The following ROBO2 variants were observed in gnomAD, a reference collection of about 807,000 sequenced individuals.
ROBO2 encodes roundabout homolog 2.
Under a neutral mutation model 160.8 loss-of-function variants are expected in ROBO2, and 53 were observed. The observed-to-expected ratio is 0.33, with a 90% CI of 0.26 to 0.41. The LOEUF (loss-of-function observed/expected upper bound fraction) is 0.41. ROBO2 is among the 10% of genes least tolerant of loss of function. The pLI is 1.00. For missense variants in ROBO2, 1,577 were observed against 1,722.4 expected (o/e 0.92, Z 1.49); for synonymous variants, 664 against 611.7 (o/e 1.09, Z -1.26).
chr3:76,248,094 G>A (rs1011581553), intron 2 of ROBO2, among the ~76,000 whole-genome samples: 3 of 151,832 alleles, frequency 2.0e-5, no homozygotes, highest in African/African-American at 7.3e-5. Context: ...GATTCCTCAG[G>A]GATCTAGAAC....
chr3:76,823,175 C>A (rs1576854173), intron 2 of ROBO2, among the ~76,000 whole-genome samples: 1 of 152,050 alleles, frequency 6.6e-6, no homozygotes, highest in East Asian at 1.9e-4. Context: ...AGGTTGATTT[C>A]TTTTGACATC....
chr3:76,234,427 T>C (rs1269003304), intron 2 of ROBO2, among the ~76,000 whole-genome samples: 2 of 152,166 alleles, frequency 1.3e-5, no homozygotes, highest in Non-Finnish European at 2.9e-5. Context: ...GCAATAGTAA[T>C]TGCAGTTTTT....
In ROBO2 at chr3:77,593,182, A is replaced by G. The variant is rs184274643; in HGVS notation, c.2684-1960A>G. On this transcript the variant is annotated intron_variant, in intron 17 of 25. Coordinates refer to ENST00000461745, the Ensembl canonical transcript of ROBO2. The stretch of plus-strand genomic sequence containing the variant: ...CACACCATTATCTTAACTCTCTTTT[A>G]ACAGACTAAAACAATCACTTGATAG... Among the ~76,000 whole-genome samples the G allele has an allele frequency of 1.2e-3, 176 of 150,682 alleles. 1 individual carries two copies. Among genetic ancestry groups the G allele is most frequent in the Admixed American group, 3.7e-3 (56 of 14,996 alleles).
At chr3:77,242,762 T>C (rs754358287) in intron 2 of ROBO2, among the ~76,000 whole-genome samples, 4 of 151,710 alleles carry the variant, frequency 2.6e-5, no homozygotes, top group Non-Finnish European at 4.4e-5. Flanking sequence ...TGTTTTTATG[T>C]GTTTGCTACT....
intron 2 of ROBO2, among the ~76,000 whole-genome samples, chr3:77,132,581 C>T (rs986890570): frequency 6.6e-6 from 1 of 151,998 alleles, no homozygotes; most frequent in African/African-American, 2.4e-5. Context: ...GTCTCTATAA[C>T]ATTAGATGAA....
intron 2 of ROBO2, among the ~76,000 whole-genome samples, chr3:77,460,530 A>AT (rs1281207408): frequency 2.0e-5 from 3 of 152,122 alleles, no homozygotes; most frequent in African/African-American, 4.8e-5. Flanking sequence ...AGTACTGACG[A>AT]TTTTTTAAGG....
chr3:75,909,926 A>G (rs1946496392), intron 1 of ROBO2, among the ~76,000 whole-genome samples: 1 of 152,236 alleles, frequency 6.6e-6, no homozygotes. Context: ...GGCTTTGCAT[A>G]TACATTAAAG....
chr3:76,767,555 T>A (rs2108459620), intron 2 of ROBO2, among the ~76,000 whole-genome samples: 1 of 151,644 alleles, frequency 6.6e-6, no homozygotes, highest in South Asian at 2.1e-4. Flanking sequence ...AAAGAATAAA[T>A]ATATTCTGTA....
chr3:76,685,300 A>G (rs2092662840), intron 2 of ROBO2, among the ~76,000 whole-genome samples: 2 of 151,908 alleles, frequency 1.3e-5, no homozygotes, highest in South Asian at 4.1e-4. Context: ...CTCAAGAAAA[A>G]GAAAATGCTA....
intron 2 of ROBO2, among the ~76,000 whole-genome samples, chr3:77,231,395 C>G (rs1490336443): frequency 1.4e-5 from 2 of 143,556 alleles, no homozygotes; most frequent in Non-Finnish European, 3.0e-5. Flanking sequence ...AGACACTAAG[C>G]TAAAAGACAC....
At chr3:76,273,243 C>G (rs1036263019) in intron 2 of ROBO2, among the ~76,000 whole-genome samples, 3 of 147,742 alleles carry the variant, frequency 2.0e-5, no homozygotes, top group Admixed American at 7.0e-5. Context: ...GAGACTCATT[C>G]AATACAGTCT....
At chr3:76,830,698 T>C (rs540741336) in intron 2 of ROBO2, among the ~76,000 whole-genome samples, 46 of 142,920 alleles carry the variant, frequency 3.2e-4, no homozygotes, top group African/African-American at 1.2e-3. Flanking sequence ...ACCTAGGGGC[T>C]GGGCACGGTG....
chr3:77,354,632 G>A (rs1484638630), intron 2 of ROBO2, among the ~76,000 whole-genome samples: 1 of 152,164 alleles, frequency 6.6e-6, no homozygotes, highest in African/African-American at 2.4e-5. Context: ...GAATTAAGGT[G>A]TTATCTGAAT....
chr3:77,177,581 C>A (rs976966148), intron 2 of ROBO2, among the ~76,000 whole-genome samples: 1 of 151,716 alleles, frequency 6.6e-6, no homozygotes, highest in South Asian at 2.1e-4. Context: ...ATTTGTATTA[C>A]CTTTAATTGT....
chr3:76,707,731 G>GTGTATATATATATATATATATATATA (rs376823667), intron 2 of ROBO2, among the ~76,000 whole-genome samples: 13 of 134,206 alleles, frequency 9.7e-5, no homozygotes, highest in Non-Finnish European at 1.4e-4. Context: ...ACATGTGTGT[G>GTGTATATATATATATATATATATATA]TATATATATA....
chr3:77,285,336 A>G (rs2060508876), intron 2 of ROBO2, among the ~76,000 whole-genome samples: 2 of 152,320 alleles, frequency 1.3e-5, no homozygotes, highest in South Asian at 4.1e-4. Flanking sequence ...AGAGAAAATG[A>G]AAGAAAACAA....
At chr3:76,435,299 A>G (rs993191683) in intron 2 of ROBO2, 60 of 976,660 alleles carry the variant, frequency 6.1e-5, no homozygotes, top group Non-Finnish European at 9.5e-5. Flanking sequence ...TCAGTGCCAA[A>G]TCTTCCTAGA....
chr3:77,641,143 A>T (rs1228573736), intron 24 of ROBO2, among the ~76,000 whole-genome samples: 1 of 152,264 alleles, frequency 6.6e-6, no homozygotes, highest in Non-Finnish European at 1.5e-5. Flanking sequence ...AACTCATTGG[A>T]TTATCCAACA....
chr3:76,376,223 T>G (rs1399558518), intron 2 of ROBO2, among the ~76,000 whole-genome samples: 1 of 152,134 alleles, frequency 6.6e-6, no homozygotes, highest in Admixed American at 6.6e-5. Context: ...CTGATAACTT[T>G]GAACTGAAAC....
Sources: gnomAD v4.1 joint callset for allele counts (sites outside exome capture counted in the v4.1 genomes callset) on GRCh38, gnomAD v4.1.1 for gene constraint, MANE v1.5 for transcripts, NCBI Gene and HGNC (gene_info 2026-07-23, HGNC 2026-07-21) for gene names.